The following AP2A2 variants were observed in gnomAD, a reference collection of about 807,000 sequenced individuals.
AP2A2 encodes the protein adaptor related protein complex 2 subunit alpha 2.
In AP2A2, 32 loss-of-function variants were observed where a neutral mutation model predicts 104.2. That is an observed-to-expected ratio of 0.31 (90% CI 0.23 to 0.41). AP2A2 has a LOEUF of 0.41. Among genes scored for constraint, AP2A2 ranks in the 10% least tolerant of loss-of-function variants. The pLI is 1.00. For synonymous variants in AP2A2, 539 were observed against 533.3 expected (o/e 1.01, Z -0.15); for missense variants, 912 against 1,261.0 (o/e 0.72, Z 4.19).
chr11:1,009,379 A>C lies in AP2A2; in HGVS notation c.2589A>C (p.Thr863=). 1 of 1,613,512 alleles carries C rather than the reference A, an allele frequency of 6.2e-7. No individual in the cohort carries two copies. The highest frequency in any genetic ancestry group is 2.2e-5 in the East Asian group (1 of 44,874). The change falls in exon 20 of 22, where the codon ACA becomes ACC. Residue 863 remains threonine, a synonymous_variant. Coordinates refer to ENST00000448903, the MANE Select transcript of AP2A2 (RefSeq NM_012305.4). ...NIFKAKHPMD[T]EVTKAKIIGF... is the part of the protein sequence containing the mutation. ...TCAAAGCAAAGCACCCAATGGACAC[A>C]GAAGTCACCAAAGCCAAGGTAACAC... is the stretch of plus-strand genomic sequence containing the variant.
At chr11:977,808 A>C (rs1855101309) in intron 5 of AP2A2, among the ~76,000 whole-genome samples, 1 of 151,776 alleles carries the variant, frequency 6.6e-6, no homozygotes, top group African/African-American at 2.4e-5. Context: ...CTGCTCTATG[A>C]ATGAGAGGGT....
In AP2A2 at chr11:988,969, T is replaced by C. The variant is rs937012498; in HGVS notation, c.1269+280T>C. 2.1e-5 allele frequency: 10 copies of C among 469,736 alleles called. No homozygotes were observed. The Admixed American group carries it at 3.4e-4, about 16-fold the overall frequency. The allele number at this position is 469,736 out of a possible 1,614,324, so 29.1% of individuals were successfully genotyped here. On this transcript the variant is annotated intron_variant, in intron 10 of 21. Coordinates refer to ENST00000448903, the MANE Select transcript of AP2A2 (RefSeq NM_012305.4). Reference sequence around the variant, plus strand: ...GAGATCATGTCACTGCACTCTAGCCTGGGCAACACAGCGAGACCCTGTCTT... The same window carrying C: ...GAGATCATGTCACTGCACTCTAGCCCGGGCAACACAGCGAGACCCTGTCTT...
At chr11:948,314 C>T (rs1853919989) in intron 1 of AP2A2, 1 of 152,114 alleles carries the variant, frequency 6.6e-6, no homozygotes, top group Non-Finnish European at 1.5e-5. Context: ...TAAGAGAATT[C>T]CATGAATAAT....
intron 9 of AP2A2, 76 bp downstream of exon 9, chr11:987,029 G>A (rs987826556): frequency 8.8e-6 from 13 of 1,476,904 alleles, no homozygotes; most frequent in Non-Finnish European, 1.1e-5. Flanking sequence ...CTGGGGGTAC[G>A]CAGTGCCTCC....
In AP2A2 at chr11:1,007,842, GT is replaced by G. The variant is rs1856261145; in HGVS notation, c.2297-169del. The G allele has an allele frequency of 3.5e-6, 3 of 860,040 alleles. No homozygotes were observed. The South Asian group carries it at 5.0e-5, about 14-fold the overall frequency. The allele number at this position is 860,040 out of a possible 1,614,324, so 53.3% of individuals were successfully genotyped here. On this transcript the variant is annotated intron_variant, in intron 17 of 21. Transcript: ENST00000448903. ...AGAAGCAGACAGTGTTTTGAGGATTGTCTGGGTGGAAGGGCAGGGCCGGGTG... is the reference window on the plus strand; with the variant it reads ...AGAAGCAGACAGTGTTTTGAGGATTGCTGGGTGGAAGGGCAGGGCCGGGTG...
At position 928,886 on chromosome 11, in the gene AP2A2, C is replaced by T. The variant is rs115626570; in HGVS notation, c.67+2798C>T. 7.9e-3 allele frequency among the ~76,000 whole-genome samples: 1,199 copies of T among 152,234 alleles called. 24 individuals are homozygous for T. The highest frequency in any genetic ancestry group is 0.028 in the African/African-American group (1,145 of 41,554). On this transcript the variant is annotated intron_variant, in intron 1 of 21. Transcript: ENST00000448903. ...GCAGTGTCTTCAGCTTGTGGTGCTG[C>T]TTTTCACCTGAGTGGCCCCATCTCC...
At chr11:953,400 A>G (rs542935456) in intron 1 of AP2A2, among the ~76,000 whole-genome samples, 87 of 152,212 alleles carry the variant, frequency 5.7e-4, no homozygotes, top group East Asian at 1.9e-4. Flanking sequence ...CCTGACTTCA[A>G]GTGATCCACC....
intron 16 of AP2A2, among the ~76,000 whole-genome samples, chr11:1,004,495 T>C (rs1230946369): frequency 6.6e-6 from 1 of 151,222 alleles, no homozygotes; most frequent in East Asian, 2.0e-4. Context: ...CAGACTGGCC[T>C]GGTGGCCTGG....
At chr11:977,567 A>G (rs1459855614) in intron 5 of AP2A2, among the ~76,000 whole-genome samples, 1 of 150,880 alleles carries the variant, frequency 6.6e-6, no homozygotes, top group Non-Finnish European at 1.5e-5. Flanking sequence ...TCTAACGTGC[A>G]GTCTTACTAA....
chr11:977,526 G>A (rs578180216), intron 5 of AP2A2, among the ~76,000 whole-genome samples: 17 of 145,910 alleles, frequency 1.2e-4, no homozygotes, highest in African/African-American at 4.3e-4. Context: ...CTCCTGCCTG[G>A]TGTCCCGGCT....
intron 5 of AP2A2, 79 bp from the exon 6 acceptor site, chr11:981,119 A>G: frequency 7.7e-7 from 1 of 1,297,420 alleles, no homozygotes; most frequent in Non-Finnish European, 1.1e-6. Context: ...TGGTTGGTTT[A>G]AGGTTTTCTT....
intron 16 of AP2A2, among the ~76,000 whole-genome samples, chr11:1,004,570 G>A (rs1486024932): frequency 6.6e-6 from 1 of 152,038 alleles, no homozygotes; most frequent in African/African-American, 2.4e-5. Context: ...GAGCCCAGGT[G>A]TTTGAGACCA....
chr11:967,853 A>G (rs1467037262), intron 2 of AP2A2, among the ~76,000 whole-genome samples: 2 of 152,182 alleles, frequency 1.3e-5, no homozygotes, highest in Non-Finnish European at 2.9e-5. Flanking sequence ...GGAGACAGAT[A>G]TTACTGTTAT....
At chr11:937,317 G>T (rs1224361267) in intron 1 of AP2A2, among the ~76,000 whole-genome samples, 2 of 152,082 alleles carry the variant, frequency 1.3e-5, no homozygotes, top group Admixed American at 6.6e-5. Flanking sequence ...ACCGTGCCCA[G>T]CCTATTGTTA....
intron 3 of AP2A2, among the ~76,000 whole-genome samples, chr11:970,976 C>T (rs1429360448): frequency 6.6e-6 from 1 of 152,156 alleles, no homozygotes; most frequent in African/African-American, 2.4e-5. Context: ...CACATTATTT[C>T]TATGTTTTCC....
chr11:952,592 T>C (rs1854090034), intron 1 of AP2A2, among the ~76,000 whole-genome samples: 1 of 152,196 alleles, frequency 6.6e-6, no homozygotes, highest in Non-Finnish European at 1.5e-5. Context: ...TTAGTGCTGA[T>C]GGGCTGGCTG....
At position 992,755 on chromosome 11, in the gene AP2A2, C is replaced by T; in HGVS notation, c.1452+70C>T. The T allele has an allele frequency of 6.4e-7, 1 of 1,572,678 alleles. No individual in the cohort carries two copies. On this transcript the variant is annotated intron_variant, in intron 11 of 21. Transcript: ENST00000448903. This position sits in a 1 kb window ranked among gnomAD's most constrained non-coding sequence, Gnocchi z 6.4. ...GCAGAAGGTGAGCAGTGAGTGGTTC[C>T]AGCCTGCCTGCGTGGAGGTGCCGAG...
chr11:995,499 C>T (rs1026212907), intron 14 of AP2A2: 61 of 453,154 alleles, frequency 1.3e-4, no homozygotes, highest in Non-Finnish European at 6.2e-5. Flanking sequence ...TGGTGGCAAC[C>T]AGTGCTGCTA....
At chr11:1,007,654 C>T (rs1474391059) in intron 17 of AP2A2, 1 of 326,040 alleles carries the variant, frequency 3.1e-6, no homozygotes, top group Non-Finnish European at 5.7e-6. Flanking sequence ...GCCTGCTATT[C>T]CTGGGATTCT....
Sources: gnomAD v4.1 joint callset for allele counts (sites outside exome capture counted in the v4.1 genomes callset) on GRCh38, gnomAD v4.1.1 for gene constraint, Gnocchi (gnomAD v3.1) non-coding constraint, MANE v1.5 for transcripts, NCBI Gene and HGNC (gene_info 2026-07-23, HGNC 2026-07-21) for gene names.